The following PLA2G4A variants were observed in gnomAD, a reference collection of about 807,000 sequenced individuals.
The protein encoded by PLA2G4A is phospholipase A2 group IVA.
A neutral mutation model predicts 81.9 loss-of-function variants in PLA2G4A; 40 were observed. The observed-to-expected ratio is 0.49, with a 90% CI of 0.38 to 0.64. The LOEUF is 0.64. Among genes scored for constraint, PLA2G4A ranks in the 30% least tolerant of loss-of-function variants. The pLI is 0.00. For synonymous variants in PLA2G4A, 302 were observed against 296.9 expected, an observed-to-expected ratio of 1.02 and a Z score of -0.18; for missense variants, 715 against 905.1, an observed-to-expected ratio of 0.79 and a Z score of 2.69.
At chr1:186,968,978 A>G (rs914364569) in intron 15 of PLA2G4A, among the ~76,000 whole-genome samples, 5 of 151,890 alleles carry the variant, frequency 3.3e-5, no homozygotes, top group Non-Finnish European at 5.9e-5. Flanking sequence ...GTGAGACTGA[A>G]TGGTTTGTCA....
intron 15 of PLA2G4A, among the ~76,000 whole-genome samples, chr1:186,973,275 G>T (rs1176278729): frequency 6.6e-6 from 1 of 152,178 alleles, no homozygotes; most frequent in African/African-American, 2.4e-5. Flanking sequence ...GGTGGTTCCA[G>T]GCATTGCTCG....
At chr1:186,836,477 A>G (rs1339172708) in intron 1 of PLA2G4A, among the ~76,000 whole-genome samples, 2 of 152,134 alleles carry the variant, frequency 1.3e-5, no homozygotes, top group African/African-American at 2.4e-5. Flanking sequence ...AATAATTTCT[A>G]TATACCATTT....
intron 2 of PLA2G4A, among the ~76,000 whole-genome samples, chr1:186,866,061 G>A (rs1425624102): frequency 6.6e-6 from 1 of 152,068 alleles, no homozygotes; most frequent in African/African-American, 2.4e-5. Flanking sequence ...AGCCACCATT[G>A]TCCTGAGTCA....
intron 7 of PLA2G4A, among the ~76,000 whole-genome samples, chr1:186,926,358 A>C (rs1655546660): frequency 6.6e-6 from 1 of 152,172 alleles, no homozygotes; most frequent in South Asian, 2.1e-4. Context: ...ATGTGTTTGG[A>C]AGTCATTTAT....
intron 1 of PLA2G4A, among the ~76,000 whole-genome samples, chr1:186,841,363 C>G (rs1441069738): frequency 6.6e-6 from 1 of 152,102 alleles, no homozygotes; most frequent in Non-Finnish European, 1.5e-5. Flanking sequence ...AAGATTTTAG[C>G]CAAACTAAAA....
rs767549122 is a variant in PLA2G4A at position 186,911,197 on chromosome 1, A to G, written c.417-51A>G. On this transcript the variant is annotated intron_variant, in intron 6 of 17. Coordinates refer to ENST00000367466, the MANE Select transcript of PLA2G4A (RefSeq NM_024420.3). ...CCTGGAAAAGCTACCTGGATGGAAA[A>G]CCAGACCACTGGGAGCACTGGCTCA... 25 of 1,570,074 alleles carry G rather than the reference A, an allele frequency of 1.6e-5. No homozygotes were observed. The East Asian group carries it at 4.7e-4, about 30-fold the overall frequency.
intron 7 of PLA2G4A, among the ~76,000 whole-genome samples, chr1:186,927,939 A>G (rs777177982): frequency 6.6e-5 from 10 of 152,096 alleles, no homozygotes; most frequent in Non-Finnish European, 1.3e-4. Flanking sequence ...ACTTTGTGCT[A>G]TCAATCTTTA....
chr1:186,846,901 C>G (rs7522183), intron 1 of PLA2G4A, among the ~76,000 whole-genome samples: 32 of 151,976 alleles, frequency 2.1e-4, no homozygotes, highest in South Asian at 6.2e-4. Flanking sequence ...TATTATAGTC[C>G]GCTTCATATC....
At chr1:186,843,765 T>C (rs1420039459) in intron 1 of PLA2G4A, among the ~76,000 whole-genome samples, 1 of 152,226 alleles carries the variant, frequency 6.6e-6, no homozygotes, top group Non-Finnish European at 1.5e-5. Flanking sequence ...GGCCTTTTCC[T>C]AGAGGAAATG....
At chr1:186,842,043 C>CT (rs34496849) in intron 1 of PLA2G4A, among the ~76,000 whole-genome samples, 1,761 of 116,248 alleles carry the variant, frequency 0.015, 33 homozygotes, top group African/African-American at 0.047. Context: ...CATATCATAT[C>CT]TTTTTTTTTT....
chr1:186,974,119 A>G (rs1571460180), intron 15 of PLA2G4A, among the ~76,000 whole-genome samples: 1 of 151,572 alleles, frequency 6.6e-6, no homozygotes, highest in East Asian at 1.9e-4. Context: ...ATATATTTAT[A>G]TTTTTTTACA....
At chr1:186,912,750 G>T (rs917757924) in intron 7 of PLA2G4A, among the ~76,000 whole-genome samples, 3 of 136,704 alleles carry the variant, frequency 2.2e-5, no homozygotes, top group African/African-American at 8.3e-5. Flanking sequence ...ACATATATAT[G>T]TATATATATA....
At chr1:186,861,569 A>G (rs1438260035) in intron 2 of PLA2G4A, among the ~76,000 whole-genome samples, 1 of 152,156 alleles carries the variant, frequency 6.6e-6, no homozygotes, top group Non-Finnish European at 1.5e-5. Context: ...TGCTGTTATC[A>G]TGAGTGGAAT....
intron 12 of PLA2G4A, 70 bp downstream of exon 12, chr1:186,947,031 G>A: frequency 2.4e-6 from 2 of 850,338 alleles, no homozygotes; most frequent in East Asian, 2.4e-5. Context: ...CATATATAGA[G>A]AGAATATTAA....
chr1:186,838,173 T>G (rs1265936265), intron 1 of PLA2G4A, among the ~76,000 whole-genome samples: 1 of 152,124 alleles, frequency 6.6e-6, no homozygotes, highest in East Asian at 1.9e-4. Context: ...CTGTGGGTTT[T>G]GAGAATATGG....
intron 1 of PLA2G4A, among the ~76,000 whole-genome samples, chr1:186,844,229 G>A (rs921847512): frequency 6.6e-6 from 1 of 152,146 alleles, no homozygotes; most frequent in East Asian, 1.9e-4. Flanking sequence ...TTAATATAAA[G>A]CATCTCATTT....
At chr1:186,889,941 C>T (rs1011785849) in intron 3 of PLA2G4A, among the ~76,000 whole-genome samples, 1 of 152,052 alleles carries the variant, frequency 6.6e-6, no homozygotes, top group African/African-American at 2.4e-5. Context: ...GTCAAATGAC[C>T]CAGGTTCAAG....
intron 17 of PLA2G4A, among the ~76,000 whole-genome samples, chr1:186,981,260 G>T (rs1657709551): frequency 6.6e-6 from 1 of 152,290 alleles, no homozygotes; most frequent in South Asian, 2.1e-4. Flanking sequence ...CAAATACCAT[G>T]TTGGACTTGG....
At chr1:186,948,071 T>C (rs373224895) in intron 12 of PLA2G4A, among the ~76,000 whole-genome samples, 5 of 152,152 alleles carry the variant, frequency 3.3e-5, no homozygotes, top group East Asian at 3.8e-4. Context: ...GCTCCTACAA[T>C]TGATTTTAGT....
Sources: gnomAD v4.1 joint callset for allele counts (sites outside exome capture counted in the v4.1 genomes callset) on GRCh38, gnomAD v4.1.1 for gene constraint, MANE v1.5 for transcripts, NCBI Gene and HGNC (gene_info 2026-07-23, HGNC 2026-07-21) for gene names.